Variants in CD300LB observed in about 807,000 individuals in gnomAD.
CD300LB encodes the protein CMRF35-like molecule 7.
Under a neutral mutation model 20.8 loss-of-function variants are expected in CD300LB, and 18 were observed. The observed-to-expected ratio is 0.87, with a 90% CI of 0.60 to 1.28. CD300LB has a LOEUF of 1.28. CD300LB is among the 50% of genes most tolerant of loss of function. The pLI, the probability that CD300LB is intolerant of heterozygous loss-of-function variation, is 0.00. For missense variants in CD300LB, 222 were observed against 251.8 expected (o/e 0.88, Z 0.80); for synonymous variants, 91 against 91.3 (o/e 1.00, Z 0.02).
At chr17:74,523,534 G>A (rs1459344635) in intron 3 of CD300LB, 45 bp downstream of exon 3, 1 of 1,406,276 alleles carries the variant, frequency 7.1e-7, no homozygotes, top group Non-Finnish European at 1.0e-6. Context: ...CTTCCCCTTA[G>A]GAGGGACCCC....
At chr17:74,527,876 TG>T (rs1445648747) in intron 1 of CD300LB, among the ~76,000 whole-genome samples, 3 of 152,118 alleles carry the variant, frequency 2.0e-5, no homozygotes, top group African/African-American at 7.2e-5. Context: ...AGGTGAGCGG[TG>T]GGCAAGCAAG....
chr17:74,522,923 C>T (rs968532331), intron 3 of CD300LB, 23 bp from the exon 4 acceptor site: 7 of 1,609,402 alleles, frequency 4.3e-6, no homozygotes, highest in Non-Finnish European at 5.9e-6. Context: ...ATGCAGTGGT[C>T]AGAGCCCTGG....
intron 1 of CD300LB, among the ~76,000 whole-genome samples, chr17:74,530,550 A>AACACACACAC (rs67278106): frequency 0.019 from 2,725 of 143,072 alleles, 42 homozygotes; most frequent in East Asian, 0.028. Flanking sequence ...CAGGTCCCCC[A>AACACACACAC]ACACACACAC....
At chr17:74,523,930 A>G (rs1317062369) in intron 2 of CD300LB, among the ~76,000 whole-genome samples, 1 of 152,188 alleles carries the variant, frequency 6.6e-6, no homozygotes, top group African/African-American at 2.4e-5. Context: ...GTTTTTTCAT[A>G]CTTTCTTTCC....
intron 1 of CD300LB, among the ~76,000 whole-genome samples, chr17:74,530,032 A>G (rs892808677): frequency 6.6e-6 from 1 of 152,224 alleles, no homozygotes; most frequent in Non-Finnish European, 1.5e-5. Context: ...TATGTTGTCA[A>G]GAGTTGGTAT....
Position 74,525,953 on chromosome 17 carries a change from C to A in CD300LB, c.165G>T (p.Trp55Cys), listed in dbSNP as rs1252749086. ...TTTCAATGAGGATCTTGCATGTATC[C>A]CAGCGCACCCCTCGGCACCACCACT... Reference protein sequence around the residue: ...YIKWWCRGVRWDTCKILIETR... With the variant: ...YIKWWCRGVRCDTCKILIETR... The change falls in exon 2 of 4, where the codon TGG becomes TGT. Residue 55 changes from tryptophan to cysteine, a missense_variant. Coordinates refer to ENST00000392621, the MANE Select transcript of CD300LB (RefSeq NM_174892.4). 1.2e-6 allele frequency: 2 copies of A among 1,614,106 alleles called. No individual in the cohort carries two copies.
chr17:74,524,520 C>T lies in CD300LB; in HGVS notation c.371-869G>A, dbSNP rs894482439. Among the ~76,000 whole-genome samples the T allele has an allele frequency of 7.2e-5, 11 of 152,186 alleles. 1 individual carries two copies. The highest frequency in any genetic ancestry group is 4.1e-4 in the South Asian group (2 of 4,820). On this transcript the variant is annotated intron_variant, in intron 2 of 3. Coordinates refer to ENST00000392621, the MANE Select transcript of CD300LB (RefSeq NM_174892.4). ...GAAGGATTGATTGAGCCCAGGAGGT[C>T]GAGGCTGCAGTGAGTCAAGTTCACC...
At chr17:74,528,182 T>C (rs1194494538) in intron 1 of CD300LB, among the ~76,000 whole-genome samples, 3 of 151,922 alleles carry the variant, frequency 2.0e-5, no homozygotes, top group Admixed American at 2.0e-4. Flanking sequence ...TATATTATAA[T>C]ATAATAGTAA....
At position 74,522,798 on chromosome 17, in the gene CD300LB, T is replaced by G. The variant is rs1213828073; in HGVS notation, c.546A>C (p.Pro182=). Residue 182 remains proline, a synonymous_variant, in exon 4 of 4, where the codon CCA becomes CCC. Coordinates refer to ENST00000392621, the MANE Select transcript of CD300LB (RefSeq NM_174892.4). ...LKGSQRVPEE[P]GEQPIYMNFS... is the part of the protein sequence containing the mutation. Reference sequence around the variant, plus strand: ...AGTTCATGTAGATAGGCTGTTCCCCTGGCTCCTCAGGGACCCTCTGAGACC... The same window carrying G: ...AGTTCATGTAGATAGGCTGTTCCCCGGGCTCCTCAGGGACCCTCTGAGACC... 2 of 1,614,072 alleles carry G rather than the reference T, an allele frequency of 1.2e-6. No homozygotes were observed. The highest frequency in any genetic ancestry group is 2.2e-5 in the South Asian group (2 of 91,096).
At position 74,522,918 on chromosome 17, in the gene CD300LB, G is replaced by A; in HGVS notation, c.444-18C>T. On this transcript the variant is annotated intron_variant, in intron 3 of 3. Coordinates refer to ENST00000392621, the MANE Select transcript of CD300LB (RefSeq NM_174892.4). ...AGTGGTTCCTGGGGAAGGGGATGCAGTGGTCAGAGCCCTGGGCATCCCCAG... is the reference window on the plus strand; with the variant it reads ...AGTGGTTCCTGGGGAAGGGGATGCAATGGTCAGAGCCCTGGGCATCCCCAG... The A allele has an allele frequency of 4.3e-6, 7 of 1,611,054 alleles. No individual in the cohort carries two copies. The highest frequency in any genetic ancestry group is 5.1e-6 in the Non-Finnish European group (6 of 1,178,822).
chr17:74,531,387 C>G lies in CD300LB; in HGVS notation c.-37G>C. 6.2e-7 allele frequency: 1 copy of G among 1,613,094 alleles called. No individual in the cohort carries two copies. The highest frequency in any genetic ancestry group is 8.5e-7 in the Non-Finnish European group (1 of 1,179,514). On this transcript the variant is annotated 5_prime_UTR_variant, in exon 1 of 4. Transcript: ENST00000392621. ...CCCGGCTCCTCGTCCGCCTGATCTG[C>G]AACCAGTGGCAAATGCAGATCCCAG...
rs1907887516 is a variant in CD300LB, at chr17:74,521,784, A to G, written c.*954T>C. The G allele has an allele frequency of 2.0e-6, 2 of 985,428 alleles. No homozygotes were observed. Among genetic ancestry groups the G allele is most frequent in the African/African-American group, 1.7e-5 (1 of 57,238 alleles). The allele number at this position is 985,428 out of a possible 1,614,324, so 61.0% of individuals were successfully genotyped here. A position where few individuals can be genotyped will look rare whatever the true frequency, so the allele number is the denominator to read the frequency against. ...GTCCCTTTGGTGTGAGGGTCCCTCA[A>G]CCATACAGCACAAAGTGACCACATT... On this transcript the variant is annotated 3_prime_UTR_variant, in exon 4 of 4. Coordinates refer to ENST00000392621, the MANE Select transcript of CD300LB (RefSeq NM_174892.4).
chr17:74,521,743 C>G lies in CD300LB; in HGVS notation c.*995G>C, dbSNP rs1426896280. Reference sequence around the variant, plus strand: ...TTGTGGGCAGGTGGGGGCGGGAGCACATCTCACATGGGAAGGTCCCTTTGG... The same window carrying G: ...TTGTGGGCAGGTGGGGGCGGGAGCAGATCTCACATGGGAAGGTCCCTTTGG... On this transcript the variant is annotated 3_prime_UTR_variant, in exon 4 of 4. Coordinates refer to ENST00000392621, the MANE Select transcript of CD300LB (RefSeq NM_174892.4). The G allele has an allele frequency of 2.4e-5, 24 of 985,586 alleles. No homozygotes were observed. The highest frequency in any genetic ancestry group is 2.8e-5 in the Non-Finnish European group (23 of 830,086). The allele number at this position is 985,586 out of a possible 1,614,324, so 61.1% of individuals were successfully genotyped here. A position where few individuals can be genotyped will look rare whatever the true frequency, so the allele number is the denominator to read the frequency against.
intron 1 of CD300LB, among the ~76,000 whole-genome samples, chr17:74,530,590 CA>C (rs1304264688): frequency 1.4e-5 from 2 of 140,214 alleles, no homozygotes; most frequent in African/African-American, 5.3e-5. Context: ...CACACACACA[CA>C]CCCAACTCTC....
chr17:74,523,548 T>G, intron 3 of CD300LB, 31 bp downstream of exon 3: 1 of 1,511,396 alleles, frequency 6.6e-7, no homozygotes, highest in Non-Finnish European at 9.2e-7. Context: ...GGACCCCAGG[T>G]AGGGGCAGGA....
chr17:74,530,902 C>G (rs1908191335), intron 1 of CD300LB, among the ~76,000 whole-genome samples: 1 of 151,998 alleles, frequency 6.6e-6, no homozygotes, highest in South Asian at 2.1e-4. Flanking sequence ...TACCTGAGCT[C>G]AAAGGATCCT....
rs1397188709 is a variant in CD300LB at position 74,522,462 on chromosome 17, G to A, written c.*276C>T. The A allele has an allele frequency of 3.4e-6, 4 of 1,180,282 alleles. No individual in the cohort carries two copies. The highest frequency in any genetic ancestry group is 4.6e-5 in the East Asian group (1 of 21,822). The allele number at this position is 1,180,282 out of a possible 1,614,324, so 73.1% of individuals were successfully genotyped here. ...GTGCCCGAGTTATTCCAGCAGTGGG[G>A]ACAGAGTCGTCCAGTGCTTGAGCTC... On this transcript the variant is annotated 3_prime_UTR_variant, in exon 4 of 4. Coordinates refer to ENST00000392621, the MANE Select transcript of CD300LB (RefSeq NM_174892.4).
rs116740098 is a variant in CD300LB, at chr17:74,528,688, A to G, written c.41-2611T>C. ...CATCGCAGGCCACAAGGACAGCATG[A>G]CATCAGAGAGAGTGTGAGCTTTGAT... On this transcript the variant is annotated intron_variant, in intron 1 of 3. Coordinates refer to ENST00000392621, the MANE Select transcript of CD300LB (RefSeq NM_174892.4). Among the ~76,000 whole-genome samples the G allele has an allele frequency of 9.1e-3, 1,384 of 152,096 alleles. 30 individuals carry two copies. Among genetic ancestry groups the G allele is most frequent in the African/African-American group, 0.031 (1,297 of 41,440 alleles).
chr17:74,527,274 T>C (rs370108884), intron 1 of CD300LB, among the ~76,000 whole-genome samples: 44 of 152,072 alleles, frequency 2.9e-4, no homozygotes, highest in African/African-American at 1.0e-3. Flanking sequence ...GGCTCTTTCC[T>C]TGGCAATGAC....
Sources: gnomAD v4.1 joint callset for allele counts (sites outside exome capture counted in the v4.1 genomes callset) on GRCh38, gnomAD v4.1.1 for gene constraint, MANE v1.5 for transcripts, NCBI Gene and HGNC (gene_info 2026-07-23, HGNC 2026-07-21) for gene names.